The following STPG4 variants were observed in gnomAD, a reference collection of about 807,000 sequenced individuals.
STPG4 encodes the protein protein STPG4.
In STPG4, 41 loss-of-function variants were observed where a neutral mutation model predicts 31.5. That is an observed-to-expected ratio of 1.30 (90% CI 1.01 to 1.69). The LOEUF (loss-of-function observed/expected upper bound fraction) is 1.69. Ranked by LOEUF, STPG4 falls within the 40% of genes most tolerant of loss-of-function variation. The pLI, the probability that STPG4 is intolerant of heterozygous loss-of-function variation, is 0.00. For missense variants in STPG4, 375 were observed against 293.4 expected, an observed-to-expected ratio of 1.28 and a Z score of -2.03; for synonymous variants, 141 against 103.0, an observed-to-expected ratio of 1.37 and a Z score of -2.24.
chr2:47,114,002 C>T (rs1573167862), intron 5 of STPG4, among the ~76,000 whole-genome samples: 1 of 150,092 alleles, frequency 6.7e-6, no homozygotes, highest in South Asian at 2.1e-4. Context: ...GCACTCCAGC[C>T]TGGGCGACAA....
intron 5 of STPG4, among the ~76,000 whole-genome samples, chr2:47,116,768 C>T (rs989876026): frequency 5.3e-5 from 8 of 152,152 alleles, no homozygotes; most frequent in African/African-American, 1.9e-4. Context: ...ATTTTGGGAG[C>T]TTATGCATTT....
intron 3 of STPG4, among the ~76,000 whole-genome samples, chr2:47,136,553 T>A (rs1686601808): frequency 6.6e-6 from 1 of 152,230 alleles, no homozygotes; most frequent in Non-Finnish European, 1.5e-5. Flanking sequence ...GGCGTCCTAA[T>A]GTGAAGTCAT....
chr2:47,150,891 A>C (rs1223089370), intron 3 of STPG4, among the ~76,000 whole-genome samples: 1 of 152,138 alleles, frequency 6.6e-6, no homozygotes, highest in Non-Finnish European at 1.5e-5. Context: ...ATACTCCCCG[A>C]GAGGCAGGGT....
At chr2:47,124,642 A>T (rs991286198) in intron 5 of STPG4, among the ~76,000 whole-genome samples, 2 of 152,166 alleles carry the variant, frequency 1.3e-5, no homozygotes, top group Non-Finnish European at 2.9e-5. Context: ...TTTGTTGTGT[A>T]TATGTACCAC....
intron 5 of STPG4, among the ~76,000 whole-genome samples, chr2:47,127,854 T>C (rs1686395409): frequency 6.6e-6 from 1 of 152,128 alleles, no homozygotes; most frequent in African/African-American, 2.4e-5. Context: ...TTTAATTCGA[T>C]TGGTGAGGTT....
At chr2:47,101,792 G>A (rs1191947833) in intron 5 of STPG4, among the ~76,000 whole-genome samples, 3 of 151,830 alleles carry the variant, frequency 2.0e-5, no homozygotes, top group African/African-American at 4.9e-5. Flanking sequence ...CATGAGCAAA[G>A]GTGTCACTCT....
At chr2:47,105,604 A>C (rs1685893959) in intron 5 of STPG4, among the ~76,000 whole-genome samples, 1 of 151,994 alleles carries the variant, frequency 6.6e-6, no homozygotes, top group Non-Finnish European at 1.5e-5. Context: ...CCCCTTAACT[A>C]ATCCTGACCT....
intron 5 of STPG4, among the ~76,000 whole-genome samples, chr2:47,106,738 A>T (rs1685919525): frequency 1.3e-5 from 2 of 151,978 alleles, no homozygotes; most frequent in Admixed American, 6.6e-5. Flanking sequence ...TTCTTATGCC[A>T]ACCTCCGGAG....
intron 5 of STPG4, among the ~76,000 whole-genome samples, chr2:47,093,380 C>A (rs1685609254): frequency 6.6e-6 from 1 of 152,150 alleles, no homozygotes; most frequent in Non-Finnish European, 1.5e-5. Context: ...GAAATCTAAG[C>A]CCTAATAAAC....
intron 5 of STPG4, among the ~76,000 whole-genome samples, chr2:47,098,856 G>A (rs1159792787): frequency 6.6e-6 from 1 of 152,044 alleles, no homozygotes; most frequent in Non-Finnish European, 1.5e-5. Context: ...TCAAGAGGTG[G>A]TGTGTGGCAG....
At chr2:47,130,997 A>G (rs1686469269) in intron 3 of STPG4, among the ~76,000 whole-genome samples, 1 of 150,950 alleles carries the variant, frequency 6.6e-6, no homozygotes, top group African/African-American at 2.4e-5. Context: ...TATTTTTTGT[A>G]GAGACAGGAT....
At chr2:47,091,150 AAGGGAGGGAGGG>A (rs547620600) in intron 5 of STPG4, among the ~76,000 whole-genome samples, 2 of 130,504 alleles carry the variant, frequency 1.5e-5, no homozygotes, top group Admixed American at 1.6e-4. Flanking sequence ...GAAGGAAGGG[AAGGGAGGGAGGG>A]AGGGAGGGAG....
intron 5 of STPG4, among the ~76,000 whole-genome samples, chr2:47,107,304 G>A (rs1302291021): frequency 6.6e-6 from 1 of 152,132 alleles, no homozygotes; most frequent in African/African-American, 2.4e-5. Context: ...GGGAACCGGG[G>A]CTGCGCGTGG....
At chr2:47,088,088 GT>G (rs376883674) in intron 6 of STPG4, among the ~76,000 whole-genome samples, 4 of 150,514 alleles carry the variant, frequency 2.7e-5, no homozygotes, top group South Asian at 2.1e-4. Context: ...TTTGTTTTTG[GT>G]TTTTTTTTGA....
intron 5 of STPG4, among the ~76,000 whole-genome samples, chr2:47,094,777 A>G (rs1330798035): frequency 6.6e-6 from 1 of 152,170 alleles, no homozygotes; most frequent in African/African-American, 2.4e-5. Flanking sequence ...CTTGCTGCAA[A>G]AGACTCAGAC....
intron 6 of STPG4, among the ~76,000 whole-genome samples, chr2:47,087,466 C>G (rs564868872): frequency 5.8e-4 from 89 of 152,328 alleles, no homozygotes; most frequent in Non-Finnish European, 9.1e-4. Flanking sequence ...CCAGGCAACT[C>G]CTATCCCGAG....
At chr2:47,143,334 A>G (rs2103797518) in intron 3 of STPG4, among the ~76,000 whole-genome samples, 1 of 152,288 alleles carries the variant, frequency 6.6e-6, no homozygotes, top group South Asian at 2.1e-4. Context: ...TTGGGTATCA[A>G]TGTACAGTAC....
Position 47,121,847 on chromosome 2 carries a change from CGTGTGT to C in STPG4, c.519+8088_519+8093del, listed in dbSNP as rs10538224. Reference sequence around the variant, plus strand: ...TTCTATATTTGAATTGCCCTCTCCTCGTGTGTGTGTGTGTGTGTGTGTGTGTGTGTG... The same window carrying C: ...TTCTATATTTGAATTGCCCTCTCCTCGTGTGTGTGTGTGTGTGTGTGTGTG... On this transcript the variant is annotated intron_variant, in intron 5 of 6. Transcript: ENST00000445927. 8.3e-3 allele frequency among the ~76,000 whole-genome samples: 1,200 copies of C among 144,310 alleles called. 11 individuals carry two copies. Among genetic ancestry groups the C allele is most frequent in the Non-Finnish European group, 9.8e-3 (648 of 66,440 alleles). 94.7% of individuals were successfully genotyped at this position (144,310 alleles called of 152,430 possible). A position where few individuals can be genotyped will look rare whatever the true frequency, so the allele number is the denominator to read the frequency against.
chr2:47,107,954 A>T (rs1355471909), intron 5 of STPG4, among the ~76,000 whole-genome samples: 8 of 151,414 alleles, frequency 5.3e-5, no homozygotes, highest in African/African-American at 1.9e-4. Context: ...GATTGTAAAT[A>T]CACCAATCGG....
Sources: allele counts gnomAD v4.1 joint callset (sites outside exome capture counted in the v4.1 genomes callset), GRCh38; gene constraint gnomAD v4.1.1; transcripts MANE v1.5; gene names NCBI Gene and HGNC (gene_info 2026-07-23, HGNC 2026-07-21).